MET: variants seen among roughly 807,000 people sequenced by gnomAD.
MET encodes MET proto-oncogene, receptor tyrosine kinase.
A neutral mutation model predicts 133.1 loss-of-function variants in MET; 48 were observed. That is an observed-to-expected ratio of 0.36 (90% CI 0.29 to 0.46). The LOEUF (loss-of-function observed/expected upper bound fraction) is 0.46. MET is among the 20% of genes least tolerant of loss of function. MET has a pLI of 1.00. For missense variants in MET, 1,442 were observed against 1,695.9 expected (o/e 0.85, Z 2.63); for synonymous variants, 628 against 616.5 (o/e 1.02, Z -0.28).
intron 8 of MET, among the ~76,000 whole-genome samples, chr7:116,758,231 AG>A (rs1319885933): frequency 6.6e-6 from 1 of 152,130 alleles, no homozygotes; most frequent in East Asian, 1.9e-4. Flanking sequence ...AGTACTTTAA[AG>A]GTTTTTTTTT....
At chr7:116,714,740 T>G (rs991337030) in intron 2 of MET, among the ~76,000 whole-genome samples, 1 of 122,414 alleles carries the variant, frequency 8.2e-6, no homozygotes, top group Non-Finnish European at 1.8e-5. Flanking sequence ...AACACTCACA[T>G]GCACGCACAC....
At chr7:116,743,071 C>T (rs1234304094) in intron 5 of MET, among the ~76,000 whole-genome samples, 2 of 152,226 alleles carry the variant, frequency 1.3e-5, no homozygotes, top group Non-Finnish European at 2.9e-5. Context: ...ACAGTGGGTG[C>T]AGCCCACAGA....
At chr7:116,734,618 TG>T (rs1793143941) in intron 3 of MET, among the ~76,000 whole-genome samples, 1 of 152,260 alleles carries the variant, frequency 6.6e-6, no homozygotes, top group African/African-American at 2.4e-5. Context: ...TCTCAATATC[TG>T]CAGAGCCATG....
chr7:116,762,048 A>G (rs1000238085), intron 10 of MET, among the ~76,000 whole-genome samples: 2 of 150,176 alleles, frequency 1.3e-5, no homozygotes, highest in African/African-American at 4.8e-5. Flanking sequence ...ATGTACCACT[A>G]TGTGTTGCTG....
intron 10 of MET, among the ~76,000 whole-genome samples, chr7:116,761,982 G>A (rs1375630353): frequency 6.6e-6 from 1 of 152,148 alleles, no homozygotes; most frequent in East Asian, 1.9e-4. Context: ...AAATCTAAGG[G>A]ATGTTGTTGC....
intron 1 of MET, among the ~76,000 whole-genome samples, chr7:116,680,729 C>G (rs1276512434): frequency 1.3e-5 from 2 of 152,024 alleles, no homozygotes; most frequent in African/African-American, 4.8e-5. Flanking sequence ...ATGGCTTGAG[C>G]TCAGGAGTTT....
At position 116,714,365 on chromosome 7, in the gene MET, A is replaced by C. The variant is rs187922867; in HGVS notation, c.1200+14081A>C. ...TAAACCCATATACACATATACATAA[A>C]ATATATTCTGCTCCAAGTATTTATC... On this transcript the variant is annotated intron_variant, in intron 2 of 20. Transcript: ENST00000397752. Among the ~76,000 whole-genome samples the C allele has an allele frequency of 1.7e-3, 254 of 152,306 alleles. 2 individuals carry two copies. Among genetic ancestry groups the C allele is most frequent in the African/African-American group, 5.8e-3 (242 of 41,574 alleles).
At chr7:116,784,917 T>TGCTTACAAGATACAACGGGGGTACAG (rs1243708887) in intron 19 of MET, among the ~76,000 whole-genome samples, 3 of 152,096 alleles carry the variant, frequency 2.0e-5, no homozygotes, top group Non-Finnish European at 4.4e-5. Flanking sequence ...ACAAGTTAGT[T>TGCTTACAAGATACAACGGGGGTACAG]GCTTACAAGA....
intron 1 of MET, 135 bp from the exon 2 acceptor site, chr7:116,698,936 A>C: frequency 2.5e-6 from 3 of 1,215,634 alleles, no homozygotes; most frequent in Non-Finnish European, 3.5e-6. Context: ...GAAACTTGCT[A>C]GAGTTTTTGT....
At chr7:116,706,123 A>C (rs886455405) in intron 2 of MET, among the ~76,000 whole-genome samples, 10 of 152,172 alleles carry the variant, frequency 6.6e-5, no homozygotes, top group Admixed American at 6.6e-4. Context: ...AGCTGTCACC[A>C]AAACTGTGGG....
At chr7:116,767,644 GCT>G (rs761144580) in intron 11 of MET, among the ~76,000 whole-genome samples, 1 of 151,922 alleles carries the variant, frequency 6.6e-6, no homozygotes, top group Non-Finnish European at 1.5e-5. Flanking sequence ...AGATCAGAAA[GCT>G]CTCTCTCTTT....
chr7:116,778,215 G>T (rs192600901), intron 16 of MET, among the ~76,000 whole-genome samples: 98 of 152,234 alleles, frequency 6.4e-4, no homozygotes, highest in African/African-American at 2.2e-3. Context: ...TCCTGGCTCC[G>T]CCTGTGTTGA....
chr7:116,794,860 G>A (rs1399779759), intron 19 of MET, among the ~76,000 whole-genome samples: 1 of 152,200 alleles, frequency 6.6e-6, no homozygotes, highest in African/African-American at 2.4e-5. Context: ...GGTCTATCCT[G>A]AGCACAGTGT....
intron 17 of MET, among the ~76,000 whole-genome samples, chr7:116,780,015 G>A (rs1795108165): frequency 6.6e-6 from 1 of 152,192 alleles, no homozygotes; most frequent in Admixed American, 6.5e-5. Flanking sequence ...AAGCTCATGA[G>A]GGTAGGATTT....
At chr7:116,683,415 A>G (rs543804679) in intron 1 of MET, among the ~76,000 whole-genome samples, 1 of 152,296 alleles carries the variant, frequency 6.6e-6, no homozygotes, top group East Asian at 1.9e-4. Context: ...TCTGCATAGT[A>G]TTCCATGGCT....
At chr7:116,724,440 A>T (rs2116731559) in intron 2 of MET, among the ~76,000 whole-genome samples, 1 of 152,238 alleles carries the variant, frequency 6.6e-6, no homozygotes, top group East Asian at 1.9e-4. Flanking sequence ...TGCGTCGCTC[A>T]CGCTGGGAGC....
chr7:116,685,145 C>T (rs1286628046), intron 1 of MET, among the ~76,000 whole-genome samples: 1 of 152,124 alleles, frequency 6.6e-6, no homozygotes, highest in Non-Finnish European at 1.5e-5. Flanking sequence ...CCTTCTTGGT[C>T]TCTTGTCCCA....
In MET at chr7:116,678,499, T is replaced by G. The variant is rs553416664; in HGVS notation, c.-15+5922T>G. ...TAAGACCGTGGAAGATTTCTAATTT[T>G]TAATATTTTATTAAAAATGTAAAGA... On this transcript the variant is annotated intron_variant, in intron 1 of 20. Coordinates refer to ENST00000397752, the MANE Select transcript of MET (RefSeq NM_000245.4). 2.0e-5 allele frequency among the ~76,000 whole-genome samples: 3 copies of G among 152,258 alleles called. No homozygotes were observed. The East Asian group carries it at 5.8e-4, about 29-fold the overall frequency.
rs1399798369 is a variant in MET at position 116,740,975 on chromosome 7, T to C, written c.1651T>C (p.Cys551Arg). Reference protein sequence around the residue: ...CHDKCVRSEECLSGTWTQQIC... With the variant: ...CHDKCVRSEERLSGTWTQQIC... ...CGACAAATGTGTGCGATCGGAGGAATGCCTGAGCGGGACATGGACTCAACA... is the reference window on the plus strand; with the variant it reads ...CGACAAATGTGTGCGATCGGAGGAACGCCTGAGCGGGACATGGACTCAACA... Residue 551 changes from cysteine to arginine, a missense_variant, in exon 5 of 21, where the codon TGC becomes CGC. Physicochemically the swap from Cys to Arg is radical, Grantham distance 180 (BLOSUM62 -3). This residue lies in a region of MET where 762 missense variants were observed against 792.4 expected (regional missense o/e 0.96). Coordinates refer to ENST00000397752, the MANE Select transcript of MET (RefSeq NM_000245.4). The C allele has an allele frequency of 6.2e-7, 1 of 1,613,852 alleles. No individual in the cohort carries two copies. Among genetic ancestry groups the C allele is most frequent in the Non-Finnish European group, 8.5e-7 (1 of 1,179,988 alleles).
Sources: allele counts gnomAD v4.1 joint callset (sites outside exome capture counted in the v4.1 genomes callset), GRCh38; gene constraint gnomAD v4.1.1; regional missense constraint gnomAD v4.1.1; transcripts MANE v1.5; gene names NCBI Gene and HGNC (gene_info 2026-07-23, HGNC 2026-07-21).